The following PHF8 variants were observed in gnomAD, a reference collection of about 807,000 sequenced individuals.
The protein encoded by PHF8 is PHD finger protein 8.
A neutral mutation model predicts 74.4 loss-of-function variants in PHF8; 9 were observed. The ratio of observed to expected loss-of-function variants is 0.12; its 90% CI spans 0.07 to 0.21. The LOEUF is 0.21. PHF8 is among the 10% of genes least tolerant of loss of function. The pLI is 1.00. For synonymous variants in PHF8, 311 were observed against 316.6 expected (o/e 0.98, Z 0.19); for missense variants, 478 against 816.6 (o/e 0.59, Z 5.05).
intron 11 of PHF8, among the ~76,000 whole-genome samples, chrX:53,996,807 A>G (rs782006857): frequency 9.8e-5 from 11 of 111,942 alleles, no homozygotes; most frequent in Non-Finnish European, 1.9e-4. Flanking sequence ...TCGGCCTTCC[A>G]AAGTGCTGGG....
At chrX:53,989,389 T>C (rs1557100722) in intron 14 of PHF8, among the ~76,000 whole-genome samples, 1 of 112,105 alleles carries the variant, frequency 8.9e-6, no homozygotes, top group African/African-American at 3.2e-5. Context: ...TGATTGCTGG[T>C]TGAAATGAAC....
Position 54,043,935 on chromosome X carries a change from G to A in PHF8, c.-266C>T, listed in dbSNP as rs1474208293. 5 of 754,017 alleles carry A rather than the reference G, an allele frequency of 6.6e-6. No individual in the cohort carries two copies. The highest frequency in any genetic ancestry group is 7.8e-6 in the Non-Finnish European group (5 of 639,274). The allele number at this position is 754,017 out of a possible 1,213,427, so 62.1% of individuals were successfully genotyped here. A position where few individuals can be genotyped will look rare whatever the true frequency, so the allele number is the denominator to read the frequency against. On this transcript the variant is annotated 5_prime_UTR_variant, in exon 1 of 22. Transcript: ENST00000338154. ...CGGCAGCCGGGCTAGCTCCGGGACT[G>A]CGAAGCGCCTCAGCGGAGGCTCGTC...
At chrX:54,009,585 C>T (rs1459885805) in intron 8 of PHF8, among the ~76,000 whole-genome samples, 1 of 109,266 alleles carries the variant, frequency 9.2e-6, no homozygotes, top group Non-Finnish European at 1.9e-5. Flanking sequence ...TGGCTCACCC[C>T]TGTAATCCCA....
chrX:54,023,357 TAAATGA>T lies in PHF8; in HGVS notation c.99-520_99-515del, dbSNP rs782446253. 3.0e-3 allele frequency among the ~76,000 whole-genome samples: 335 copies of T among 112,049 alleles called. 1 individual carries two copies. Among genetic ancestry groups the T allele is most frequent in the African/African-American group, 0.011 (327 of 30,896 alleles). On this transcript the variant is annotated intron_variant, in intron 2 of 21. Transcript: ENST00000338154. The stretch of plus-strand genomic sequence containing the variant: ...AAAAATTTATAGTCAACAGTAGTTC[TAAATGA>T]AAAATTACAGATAATCCTTTTTATC...
intron 2 of PHF8, among the ~76,000 whole-genome samples, chrX:54,040,857 C>T (rs990538645): frequency 4.5e-5 from 5 of 112,306 alleles, no homozygotes; most frequent in African/African-American, 1.6e-4. Flanking sequence ...TCCTGAAAGA[C>T]ATCTTAATCC....
At chrX:53,965,858 A>T (rs1015314526) in intron 18 of PHF8, among the ~76,000 whole-genome samples, 1 of 111,170 alleles carries the variant, frequency 9.0e-6, no homozygotes, top group Admixed American at 9.6e-5. Flanking sequence ...TTTCCAACAA[A>T]AAAAACCATG....
intron 18 of PHF8, among the ~76,000 whole-genome samples, chrX:53,979,857 C>T (rs1179699265): frequency 9.0e-6 from 1 of 111,304 alleles, no homozygotes; most frequent in Non-Finnish European, 1.9e-5. Flanking sequence ...GGAGTGGTGG[C>T]GTGCACCTGC....
intron 19 of PHF8, among the ~76,000 whole-genome samples, chrX:53,957,983 T>A (rs781967011): frequency 9.0e-5 from 10 of 111,633 alleles, no homozygotes; most frequent in Middle Eastern, 4.6e-3. Flanking sequence ...GCACTGCGGA[T>A]GGAAGTGTAA....
intron 12 of PHF8, among the ~76,000 whole-genome samples, chrX:53,994,665 T>G (rs2065719751): frequency 8.9e-6 from 1 of 112,587 alleles, no homozygotes; most frequent in Non-Finnish European, 1.9e-5. Flanking sequence ...TTAACTATCC[T>G]GAATGATTTT....
intron 2 of PHF8, among the ~76,000 whole-genome samples, chrX:54,038,553 T>G (rs782740601): frequency 1.8e-5 from 2 of 112,130 alleles, no homozygotes; most frequent in Non-Finnish European, 3.8e-5. Context: ...GTCTGATACA[T>G]GCTGAAGTTT....
intron 18 of PHF8, among the ~76,000 whole-genome samples, chrX:53,965,177 A>G (rs782350717): frequency 8.9e-6 from 1 of 112,040 alleles, no homozygotes; most frequent in South Asian, 3.6e-4. Context: ...ACACACACAC[A>G]CGCACGCACA....
At chrX:54,015,492 C>T (rs191136521) in intron 6 of PHF8, among the ~76,000 whole-genome samples, 5 of 100,321 alleles carry the variant, frequency 5.0e-5, no homozygotes, top group Admixed American at 2.3e-4. Context: ...AGGAGAATGG[C>T]GTGAACCAGG....
At chrX:54,046,043 G>A (rs2066631625), upstream of PHF8, among the ~76,000 whole-genome samples, 1 of 110,162 alleles carries the variant, frequency 9.1e-6, no homozygotes, top group African/African-American at 3.3e-5. Context: ...AGAACTCCTG[G>A]ACTCAAGCGG....
chrX:54,041,671 G>T (rs1603347154), intron 2 of PHF8, among the ~76,000 whole-genome samples: 2 of 112,501 alleles, frequency 1.8e-5, no homozygotes, highest in South Asian at 7.2e-4. Context: ...AAATTCATCA[G>T]TGGTTTTACT....
chrX:54,016,940 A>T (rs2066081081), intron 5 of PHF8, among the ~76,000 whole-genome samples: 1 of 112,166 alleles, frequency 8.9e-6, no homozygotes, highest in South Asian at 3.7e-4. Context: ...AGGGCAATGG[A>T]ACTACCAGAC....
Position 53,985,372 on chromosome X carries a change from T to G in PHF8, c.2130-145A>C. ...GGGAGAATCATCCAAAGTGAAAAATTTGGAATTAAGTTTAAGGATCAAGAC... is the reference window on the plus strand; with the variant it reads ...GGGAGAATCATCCAAAGTGAAAAATGTGGAATTAAGTTTAAGGATCAAGAC... On this transcript the variant is annotated intron_variant, in intron 17 of 21. Coordinates refer to ENST00000338154, the MANE Select transcript of PHF8 (RefSeq NM_015107.3). The G allele has an allele frequency of 7.4e-6, 4 of 538,599 alleles. No homozygotes were observed. The South Asian group carries it at 1.2e-4, about 16-fold the overall frequency. 44.4% of individuals were successfully genotyped at this position (538,599 alleles called of 1,213,427 possible).
In PHF8 at chrX:54,015,569, C is replaced by T. The variant is rs782456797; in HGVS notation, c.597-1006G>A. Reference sequence around the variant, plus strand: ...CCAGCCTGGGTGACAGAGCGAAACTCCGTCTCAAAAAAAAAAAAAAAAAAA... The same window carrying T: ...CCAGCCTGGGTGACAGAGCGAAACTTCGTCTCAAAAAAAAAAAAAAAAAAA... On this transcript the variant is annotated intron_variant, in intron 6 of 21. Coordinates refer to ENST00000338154, the MANE Select transcript of PHF8 (RefSeq NM_015107.3). Among the ~76,000 whole-genome samples the T allele has an allele frequency of 8.0e-5, 7 of 87,137 alleles. No individual in the cohort carries two copies. In the South Asian group the frequency reaches 4.0e-3, roughly 50 times the overall value. 75.7% of individuals were successfully genotyped at this position (87,137 alleles called of 115,157 possible). A position where few individuals can be genotyped will look rare whatever the true frequency, so the allele number is the denominator to read the frequency against.
intron 19 of PHF8, among the ~76,000 whole-genome samples, chrX:53,952,707 C>T (rs1445742089): frequency 9.3e-6 from 1 of 107,096 alleles, no homozygotes; most frequent in African/African-American, 3.4e-5. Flanking sequence ...CACGGTGAAA[C>T]CTCGTCTCTA....
At chrX:53,948,762 G>A (rs907998504) in intron 19 of PHF8, among the ~76,000 whole-genome samples, 4 of 111,077 alleles carry the variant, frequency 3.6e-5, no homozygotes, top group Admixed American at 2.9e-4. Flanking sequence ...GGTGGCTCAC[G>A]CCTGTAATCT....
Sources: allele counts gnomAD v4.1 joint callset (sites outside exome capture counted in the v4.1 genomes callset), GRCh38; gene constraint gnomAD v4.1.1; transcripts MANE v1.5; gene names NCBI Gene and HGNC (gene_info 2026-07-23, HGNC 2026-07-21).